NF1: variants seen among roughly 807,000 people sequenced by gnomAD.
The protein encoded by NF1 is neurofibromin.
NF1 carries 122 observed loss-of-function variants against 325.7 expected under a neutral mutation model. The observed-to-expected ratio is 0.37, with a 90% confidence interval of 0.32 to 0.44. NF1 has a LOEUF of 0.44. Among genes scored for constraint, NF1 ranks in the 20% least tolerant of loss-of-function variants. The pLI is 1.00. For missense variants in NF1, 2,140 were observed against 3,415.4 expected (o/e 0.63, Z 9.31); for synonymous variants, 1,091 against 1,186.0 (o/e 0.92, Z 1.65).
At chr17:31,304,052 A>G in intron 36 of NF1, 1 of 458,332 alleles carries the variant, frequency 2.2e-6, no homozygotes, top group Non-Finnish European at 3.8e-6. Context: ...TATACTTTAA[A>G]GATAGGTACT....
intron 36 of NF1, among the ~76,000 whole-genome samples, chr17:31,274,749 GTA>G (rs2067970830): frequency 6.6e-6 from 1 of 151,326 alleles, no homozygotes; most frequent in African/African-American, 2.5e-5. Context: ...AATAGTAATA[GTA>G]ATAGTAATAG....
chr17:31,248,246 C>T (rs1453575225), intron 29 of NF1, among the ~76,000 whole-genome samples: 2 of 125,020 alleles, frequency 1.6e-5, no homozygotes, highest in Non-Finnish European at 3.1e-5. Context: ...CTGCATCATT[C>T]ATATGTGTGT....
At chr17:31,234,214 A>AT (rs2067161559) in intron 27 of NF1, among the ~76,000 whole-genome samples, 1 of 152,244 alleles carries the variant, frequency 6.6e-6, no homozygotes, top group African/African-American at 2.4e-5. Context: ...CTTACCTTGT[A>AT]TAACTGAAAT....
chr17:31,352,944 G>A (rs2070187470), intron 51 of NF1, among the ~76,000 whole-genome samples: 1 of 151,694 alleles, frequency 6.6e-6, no homozygotes, highest in Non-Finnish European at 1.5e-5. Flanking sequence ...GTCTTGTTCT[G>A]TTCACCCAGG....
chr17:31,232,334 T>C (rs1470208328), intron 25 of NF1, 145 bp downstream of exon 25: 6 of 653,162 alleles, frequency 9.2e-6, no homozygotes, highest in Non-Finnish European at 1.1e-5. Flanking sequence ...AGTAATATGA[T>C]CAGTGAAATT....
chr17:31,322,112 C>CACACACACACAT (rs2069214681), intron 36 of NF1, among the ~76,000 whole-genome samples: 1 of 151,772 alleles, frequency 6.6e-6, no homozygotes, highest in African/African-American at 2.4e-5. Context: ...CACACACACA[C>CACACACACACAT]ACACACACAC....
intron 8 of NF1, among the ~76,000 whole-genome samples, chr17:31,186,681 G>A (rs1161143347): frequency 6.6e-6 from 1 of 152,224 alleles, no homozygotes; most frequent in Non-Finnish European, 1.5e-5. Context: ...CAGCAGAGAA[G>A]GATTTTAATA....
intron 39 of NF1, chr17:31,334,589 G>A: frequency 2.2e-6 from 1 of 462,394 alleles, no homozygotes; most frequent in South Asian, 2.7e-5. Flanking sequence ...TAACAAGAAA[G>A]GACTAAAATG....
intron 30 of NF1, chr17:31,251,041 T>A (rs2067485084): frequency 5.1e-6 from 1 of 195,088 alleles, no homozygotes; most frequent in East Asian, 8.1e-5. Context: ...TAGTAACTGG[T>A]AACAGGGAAT....
Position 31,171,628 on chromosome 17 carries a change from C to T in NF1, c.586+1631C>T, listed in dbSNP as rs572822801. ...ACTGAAGTAACTTTCCCATCGAATG[C>T]GGCTCCCTCATGAACATAAATTTAG... On this transcript the variant is annotated intron_variant, in intron 5 of 57. Transcript: ENST00000358273. Among the ~76,000 whole-genome samples the T allele has an allele frequency of 5.3e-5, 8 of 152,158 alleles. No homozygotes were observed. In the East Asian group the frequency reaches 1.2e-3, roughly 22 times the overall value.
At chr17:31,145,249 G>A (rs1239373816) in intron 1 of NF1, among the ~76,000 whole-genome samples, 1 of 152,174 alleles carries the variant, frequency 6.6e-6, no homozygotes, top group Non-Finnish European at 1.5e-5. Flanking sequence ...CTGGAGTGCA[G>A]TGGCACGATC....
At chr17:31,147,575 A>ATGTG (rs36078376) in intron 1 of NF1, among the ~76,000 whole-genome samples, 12 of 151,452 alleles carry the variant, frequency 7.9e-5, no homozygotes, top group South Asian at 2.1e-4. Flanking sequence ...AAATTGCTGA[A>ATGTG]TGTGTGTGTG....
chr17:31,305,639 G>T (rs1366613997), intron 36 of NF1: 14 of 1,577,522 alleles, frequency 8.9e-6, no homozygotes, highest in Non-Finnish European at 1.2e-5. Context: ...ATCTATAGCG[G>T]GTTTATAATG....
At chr17:31,283,050 A>T (rs1208706562) in intron 36 of NF1, among the ~76,000 whole-genome samples, 2 of 152,204 alleles carry the variant, frequency 1.3e-5, no homozygotes, top group African/African-American at 4.8e-5. Flanking sequence ...TTTGAACTTT[A>T]ACTTCCGGGT....
At chr17:31,217,313 T>A (rs1482951382) in intron 13 of NF1, among the ~76,000 whole-genome samples, 1 of 6,690 alleles carries the variant, frequency 1.5e-4, no homozygotes, top group Non-Finnish European at 7.4e-4. Context: ...TCATATATTC[T>A]TCTTTTTTTT....
chr17:31,304,046 C>A, intron 36 of NF1: 1 of 440,500 alleles, frequency 2.3e-6, no homozygotes. Context: ...ATGTACTATA[C>A]TTTAAAGATA....
chr17:31,358,647 A>G (rs1323407344), intron 55 of NF1, 25 bp downstream of exon 55: 3 of 1,613,818 alleles, frequency 1.9e-6, no homozygotes, highest in Non-Finnish European at 2.5e-6. Context: ...CTGGAGAAGG[A>G]TGGTTGATGA....
intron 1 of NF1, among the ~76,000 whole-genome samples, chr17:31,102,806 T>A (rs1016509447): frequency 3.9e-5 from 6 of 152,016 alleles, no homozygotes; most frequent in Non-Finnish European, 5.9e-5. Flanking sequence ...AATATATACC[T>A]TACTTTAGTA....
intron 47 of NF1, 107 bp from the exon 48 acceptor site, chr17:31,342,902 T>C (rs1468199472): frequency 7.2e-6 from 10 of 1,382,200 alleles, no homozygotes; most frequent in Non-Finnish European, 1.0e-5. Context: ...TCTCTCAAAT[T>C]GAAAGGATTA....
Sources: allele counts gnomAD v4.1 joint callset (sites outside exome capture counted in the v4.1 genomes callset), GRCh38; gene constraint gnomAD v4.1.1; transcripts MANE v1.5; gene names NCBI Gene and HGNC (gene_info 2026-07-23, HGNC 2026-07-21).